Variants in DUS2 observed in about 807,000 individuals in gnomAD.
The protein encoded by DUS2 is tRNA-dihydrouridine(20) synthase [NAD(P)+]-like.
In DUS2, 52 loss-of-function variants were observed where a neutral mutation model predicts 71.3. That is an observed-to-expected ratio of 0.73 (90% CI 0.58 to 0.92). The LOEUF is 0.92. Ranked by LOEUF, DUS2 falls within the 40% of genes least tolerant of loss-of-function variation. The pLI, the probability that DUS2 is intolerant of heterozygous loss-of-function variation, is 0.00. For missense variants in DUS2, 558 were observed against 622.6 expected, an observed-to-expected ratio of 0.90 and a Z score of 1.10; for synonymous variants, 204 against 227.8, an observed-to-expected ratio of 0.90 and a Z score of 0.94.
At chr16:68,049,869 T>A (rs1356543657) in intron 4 of DUS2, among the ~76,000 whole-genome samples, 1 of 152,246 alleles carries the variant, frequency 6.6e-6, no homozygotes, top group East Asian at 1.9e-4. Flanking sequence ...GCTAGATGTG[T>A]GACCTTGGGC....
chr16:68,066,739 T>C, intron 10 of DUS2, 103 bp downstream of exon 10: 1 of 1,193,190 alleles, frequency 8.4e-7, no homozygotes. Context: ...ATTTCTCTTC[T>C]ACATATTCAG....
At chr16:68,052,826 A>G (rs922284830) in intron 4 of DUS2, among the ~76,000 whole-genome samples, 1 of 151,818 alleles carries the variant, frequency 6.6e-6, no homozygotes, top group African/African-American at 2.4e-5. Flanking sequence ...TATTTTTAGT[A>G]GAGATGCGGT....
At chr16:68,058,510 G>A (rs2033893837) in intron 7 of DUS2, among the ~76,000 whole-genome samples, 1 of 152,144 alleles carries the variant, frequency 6.6e-6, no homozygotes, top group African/African-American at 2.4e-5. Context: ...ACAGGTGTGA[G>A]CCACTGTGCC....
rs1335475606 is a variant in DUS2, at chr16:68,078,395, C to T, written c.1171-50C>T. The T allele has an allele frequency of 4.5e-6, 7 of 1,565,576 alleles. No individual in the cohort carries two copies. In the Admixed American group the frequency reaches 1.2e-4, roughly 26 times the overall value. Reference sequence around the variant, plus strand: ...TTTGATTTGACCCCAGCAGTTTGGCCTACAGGGCTCATTTCTCTGGCCATG... The same window carrying T: ...TTTGATTTGACCCCAGCAGTTTGGCTTACAGGGCTCATTTCTCTGGCCATG... On this transcript the variant is annotated intron_variant, in intron 15 of 16. Transcript: ENST00000565263.
intron 8 of DUS2, among the ~76,000 whole-genome samples, chr16:68,065,507 G>C (rs968904875): frequency 9.9e-5 from 15 of 152,052 alleles, no homozygotes; most frequent in African/African-American, 3.6e-4. Context: ...TGGCCAACAT[G>C]GTGGTCCCAG....
intron 3 of DUS2, among the ~76,000 whole-genome samples, chr16:68,044,072 C>T (rs1245934691): frequency 2.0e-5 from 3 of 152,306 alleles, no homozygotes; most frequent in Middle Eastern, 6.8e-3. Flanking sequence ...GCCAGTACCA[C>T]AGCCTTTTTT....
intron 3 of DUS2, among the ~76,000 whole-genome samples, chr16:68,039,884 T>C (rs1293681136): frequency 6.6e-6 from 1 of 152,128 alleles, no homozygotes; most frequent in Admixed American, 6.6e-5. Context: ...GAAATAGGGC[T>C]GCCAACTACC....
intron 8 of DUS2, among the ~76,000 whole-genome samples, chr16:68,065,572 A>T (rs1319084269): frequency 6.6e-6 from 1 of 152,058 alleles, no homozygotes; most frequent in African/African-American, 2.4e-5. Flanking sequence ...CAGAGGTTAC[A>T]GTGAGCCAAG....
At chr16:68,069,288 G>A (rs190152980) in intron 10 of DUS2, among the ~76,000 whole-genome samples, 1 of 152,156 alleles carries the variant, frequency 6.6e-6, no homozygotes, top group Non-Finnish European at 1.5e-5. Context: ...CTACCTGGGA[G>A]GCTGAGGTAG....
intron 6 of DUS2, among the ~76,000 whole-genome samples, chr16:68,055,321 G>A (rs1299426697): frequency 6.6e-6 from 1 of 151,972 alleles, no homozygotes; most frequent in Non-Finnish European, 1.5e-5. Flanking sequence ...AAAAATGGTG[G>A]TGCATGCCAG....
chr16:68,053,617 A>G lies in DUS2; in HGVS notation c.226A>G (p.Thr76Ala). ...CCCTGATGATCGAGTTGTCTTCCGC[A>G]CCTGTGAAAGAGAGCAGAACAGGGT... is the stretch of plus-strand genomic sequence containing the variant. ...VAPDDRVVFRTCEREQNRVVF... is the reference protein window; with the variant it reads ...VAPDDRVVFRACEREQNRVVF... The change falls in exon 5 of 17, where the codon ACC (threonine) becomes GCC (alanine). Residue 76 changes from threonine (T) to alanine (A), a missense_variant. Physicochemically the swap from Thr to Ala is moderately conservative, Grantham distance 58 (BLOSUM62 0). Transcript: ENST00000565263. 6.2e-7 allele frequency: 1 copy of G among 1,614,166 alleles called. No homozygotes were observed. Among genetic ancestry groups the G allele is most frequent in the Non-Finnish European group, 8.5e-7 (1 of 1,180,040 alleles).
intron 10 of DUS2, 61 bp downstream of exon 10, chr16:68,066,697 C>T: frequency 6.5e-7 from 1 of 1,527,868 alleles, no homozygotes; most frequent in Non-Finnish European, 9.1e-7. Context: ...GTGATCCTTC[C>T]TTAATTGATC....
At chr16:68,077,957 C>T (rs1293903875) in intron 15 of DUS2, 7 of 149,534 alleles carry the variant, frequency 4.7e-5, no homozygotes, top group African/African-American at 1.5e-4. Context: ...CTCCTCAAGT[C>T]AGCAGCTCCC....
intron 2 of DUS2, among the ~76,000 whole-genome samples, chr16:68,030,553 T>C (rs1435125642): frequency 2.0e-5 from 3 of 152,110 alleles, no homozygotes; most frequent in African/African-American, 4.8e-5. Context: ...ATCATGCCAC[T>C]GTACTCTAGC....
intron 7 of DUS2, among the ~76,000 whole-genome samples, chr16:68,057,133 TAATA>T (rs1057028729): frequency 2.2e-4 from 31 of 139,592 alleles, no homozygotes; most frequent in African/African-American, 7.4e-4. Flanking sequence ...TATAAATATA[TAATA>T]AATATATAAA....
intron 4 of DUS2, among the ~76,000 whole-genome samples, chr16:68,049,843 C>T (rs548625637): frequency 6.6e-6 from 1 of 152,282 alleles, no homozygotes; most frequent in South Asian, 2.1e-4. Context: ...TAGCATTGGC[C>T]CTGGCTTGGC....
intron 7 of DUS2, among the ~76,000 whole-genome samples, chr16:68,060,474 C>T (rs931766223): frequency 2.0e-5 from 3 of 152,010 alleles, no homozygotes; most frequent in Admixed American, 6.5e-5. Flanking sequence ...CCTCCATGCT[C>T]GGCTAATTTT....
chr16:68,060,902 A>G (rs2033930572), intron 7 of DUS2, among the ~76,000 whole-genome samples, 164 bp from the exon 8 acceptor site: 1 of 152,080 alleles, frequency 6.6e-6, no homozygotes, highest in Non-Finnish European at 1.5e-5. Context: ...ATGGGCACAG[A>G]TACTGCTGCC....
intron 4 of DUS2, among the ~76,000 whole-genome samples, chr16:68,049,907 T>C (rs1331879427): frequency 6.6e-6 from 1 of 152,230 alleles, no homozygotes; most frequent in Non-Finnish European, 1.5e-5. Flanking sequence ...TCTGCCTTAG[T>C]TCCTTTATCT....
Sources: allele counts gnomAD v4.1 joint callset (sites outside exome capture counted in the v4.1 genomes callset), GRCh38; gene constraint gnomAD v4.1.1; transcripts MANE v1.5; gene names NCBI Gene and HGNC (gene_info 2026-07-23, HGNC 2026-07-21).